DOCK8: variants seen among roughly 807,000 people sequenced by gnomAD.
DOCK8 encodes the protein dedicator of cytokinesis protein 8.
DOCK8 carries 141 observed loss-of-function variants against 245.6 expected under a neutral mutation model. The observed-to-expected ratio is 0.57, with a 90% CI of 0.50 to 0.66. The LOEUF is 0.66. Ranked by LOEUF, DOCK8 falls within the 30% of genes least tolerant of loss-of-function variation. DOCK8 has a pLI of 0.00. For synonymous variants in DOCK8, 1,168 were observed against 970.2 expected, an observed-to-expected ratio of 1.20 and a Z score of -3.79; for missense variants, 2,965 against 2,603.4, an observed-to-expected ratio of 1.14 and a Z score of -3.02.
chr9:351,335 A>G (rs777373647), intron 14 of DOCK8, among the ~76,000 whole-genome samples: 5 of 152,314 alleles, frequency 3.3e-5, no homozygotes, highest in Non-Finnish European at 7.4e-5. Flanking sequence ...TGGGCAGGTC[A>G]GAAGGACAGA....
intron 2 of DOCK8, among the ~76,000 whole-genome samples, chr9:278,155 C>T (rs187181742): frequency 4.6e-4 from 70 of 152,146 alleles, no homozygotes; most frequent in African/African-American, 1.5e-3. Flanking sequence ...ACAGAGCAGA[C>T]GTTTCTTTAT....
intron 43 of DOCK8, among the ~76,000 whole-genome samples, chr9:443,852 A>G (rs2057167238): frequency 6.6e-6 from 1 of 152,194 alleles, no homozygotes; most frequent in African/African-American, 2.4e-5. Flanking sequence ...GACATGGAAG[A>G]GTCAAGCAAG....
chr9:335,312 C>A (rs967122201), intron 11 of DOCK8, among the ~76,000 whole-genome samples: 1 of 152,112 alleles, frequency 6.6e-6, no homozygotes, highest in African/African-American at 2.4e-5. Flanking sequence ...TAGACCTGCC[C>A]ATATCACCTG....
At position 341,984 on chromosome 9, in the gene DOCK8, C is replaced by T. The variant is rs562360952; in HGVS notation, c.1679+1663C>T. 1.4e-4 allele frequency among the ~76,000 whole-genome samples: 22 copies of T among 152,342 alleles called. 1 individual carries two copies. Among genetic ancestry groups the T allele is most frequent in the South Asian group, 8.3e-4 (4 of 4,828 alleles). On this transcript the variant is annotated intron_variant, in intron 14 of 47. Transcript: ENST00000432829. Reference sequence around the variant, plus strand: ...CTGATATTCTGTCGCTGTCTGCCATCACTTTCAGATGGGACCCTCTAATTG... The same window carrying T: ...CTGATATTCTGTCGCTGTCTGCCATTACTTTCAGATGGGACCCTCTAATTG...
At chr9:346,716 G>C (rs572663849) in intron 14 of DOCK8, among the ~76,000 whole-genome samples, 3 of 152,110 alleles carry the variant, frequency 2.0e-5, no homozygotes, top group Non-Finnish European at 4.4e-5. Context: ...CTGGCCTAAC[G>C]GGGATGTGCT....
chr9:438,370 A>G (rs2056973959), intron 39 of DOCK8, among the ~76,000 whole-genome samples: 1 of 152,224 alleles, frequency 6.6e-6, no homozygotes. Context: ...AAGGAGTGGC[A>G]TGTGTGCCAC....
intron 12 of DOCK8, among the ~76,000 whole-genome samples, chr9:337,148 C>T (rs143665453): frequency 6.0e-4 from 92 of 152,226 alleles, no homozygotes; most frequent in Non-Finnish European, 9.7e-4. Context: ...GATTCAATCA[C>T]GTCTTAAAGG....
chr9:403,858 A>ATCTCTCTCTCTCTCTCTCTC (rs749646963), intron 26 of DOCK8, among the ~76,000 whole-genome samples: 4 of 83,972 alleles, frequency 4.8e-5, no homozygotes, highest in Admixed American at 1.5e-4. Flanking sequence ...AAGACTCTGT[A>ATCTCTCTCTCTCTCTCTCTC]TCTCTCTCTC....
intron 1 of DOCK8, among the ~76,000 whole-genome samples, chr9:249,875 G>C (rs574414560): frequency 4.5e-4 from 68 of 151,286 alleles, no homozygotes; most frequent in African/African-American, 1.5e-3. Context: ...CGACGCCCCC[G>C]CCTCGGCATC....
intron 8 of DOCK8, among the ~76,000 whole-genome samples, chr9:327,598 T>C (rs2050821481): frequency 6.6e-6 from 1 of 152,126 alleles, no homozygotes; most frequent in African/African-American, 2.4e-5. Context: ...GGTTTCACCA[T>C]GTTGCCCAGG....
intron 46 of DOCK8, chr9:460,177 A>G (rs1050046548): frequency 2.0e-5 from 3 of 152,202 alleles, no homozygotes; most frequent in African/African-American, 7.2e-5. Flanking sequence ...TTTTATGGTT[A>G]AGTCATCCTG....
chr9:325,608 T>G, intron 7 of DOCK8, 63 bp from the exon 8 acceptor site: 1 of 1,413,712 alleles, frequency 7.1e-7, no homozygotes, highest in Non-Finnish European at 1.0e-6. Context: ...ATCTAGGTGT[T>G]TTCAGAAAAT....
chr9:223,039 T>C (rs989172340), intron 1 of DOCK8, among the ~76,000 whole-genome samples: 5 of 152,184 alleles, frequency 3.3e-5, no homozygotes, highest in Non-Finnish European at 4.4e-5. Context: ...TTCATACTTT[T>C]TTTTTAATGT....
At position 236,965 on chromosome 9, in the gene DOCK8, A is replaced by G. The variant is rs115611252; in HGVS notation, c.53+21936A>G. ...ACTTCCCTGGGGAGGACTGCTTACA[A>G]GATTCATCAATCTGCAAGGAGGGCT... On this transcript the variant is annotated intron_variant, in intron 1 of 47. Coordinates refer to ENST00000432829, the MANE Select transcript of DOCK8 (RefSeq NM_203447.4). 3.1e-3 allele frequency among the ~76,000 whole-genome samples: 466 copies of G among 152,368 alleles called. 1 individual carries two copies. Among genetic ancestry groups the G allele is most frequent in the African/African-American group, 0.011 (454 of 41,596 alleles).
At chr9:361,760 A>G (rs1445185750) in intron 14 of DOCK8, among the ~76,000 whole-genome samples, 1 of 152,228 alleles carries the variant, frequency 6.6e-6, no homozygotes, top group Non-Finnish European at 1.5e-5. Flanking sequence ...TTCAGGCCGT[A>G]TATTGAAGTA....
In DOCK8 at chr9:443,408, G is replaced by T; in HGVS notation, c.5491-19G>T. 6.2e-7 allele frequency: 1 copy of T among 1,609,476 alleles called. No individual in the cohort carries two copies. On this transcript the variant is annotated intron_variant, in intron 42 of 47. Coordinates refer to ENST00000432829, the MANE Select transcript of DOCK8 (RefSeq NM_203447.4). ...TATGTTAAAATAACCTTTATAAACT[G>T]TTGGTTCTTCTTACCTAGGCATTTT...
In DOCK8 at chr9:414,843, C is replaced by T. The variant is rs773309001; in HGVS notation, c.3592C>T (p.Leu1198=). ...AIHSLLSSHD[L]DPRCVKPEVK... is the part of the protein sequence containing the mutation. ...TCACAGCCTGCTAAGTTCTCACGAC[C>T]TGGACCCACGCTGTGTCAAACCAGA... Residue 1198 remains leucine (L), a synonymous_variant, in exon 29 of 48, where the codon CTG becomes TTG. Coordinates refer to ENST00000432829, the MANE Select transcript of DOCK8 (RefSeq NM_203447.4). 7 of 1,614,182 alleles carry T rather than the reference C, an allele frequency of 4.3e-6. No individual in the cohort carries two copies. In the South Asian group the frequency reaches 6.6e-5, roughly 15 times the overall value.
At position 374,453 on chromosome 9, in the gene DOCK8, G is replaced by T. The variant is rs10972914; in HGVS notation, c.2110-1757G>T. On this transcript the variant is annotated intron_variant, in intron 18 of 47. Coordinates refer to ENST00000432829, the MANE Select transcript of DOCK8 (RefSeq NM_203447.4). Reference sequence around the variant, plus strand: ...TATTACTTTCACATGGTCCTTTTGTGTTTTTTTTTTTTTTTTTTTTTTTTT... The same window carrying T: ...TATTACTTTCACATGGTCCTTTTGTTTTTTTTTTTTTTTTTTTTTTTTTTT... Among the ~76,000 whole-genome samples, 435 of 75,360 alleles carry T rather than the reference G, an allele frequency of 5.8e-3. 4 individuals are homozygous for T. The highest frequency in any genetic ancestry group is 0.015 in the African/African-American group (277 of 18,320). The allele number at this position is 75,360 out of a possible 152,430, so 49.4% of individuals were successfully genotyped here.
At chr9:347,777 C>G (rs1431565588) in intron 14 of DOCK8, among the ~76,000 whole-genome samples, 1 of 152,090 alleles carries the variant, frequency 6.6e-6, no homozygotes, top group Non-Finnish European at 1.5e-5. Flanking sequence ...ATGCCTTGCT[C>G]CAAAACTCAG....
Sources: gnomAD v4.1 joint callset for allele counts (sites outside exome capture counted in the v4.1 genomes callset) on GRCh38, gnomAD v4.1.1 for gene constraint, MANE v1.5 for transcripts, NCBI Gene and HGNC (gene_info 2026-07-23, HGNC 2026-07-21) for gene names.